Variants in KCNB2 observed in about 807,000 individuals in gnomAD.
KCNB2 encodes the protein delayed rectifier potassium channel protein.
Under a neutral mutation model 61.5 loss-of-function variants are expected in KCNB2, and 15 were observed. The ratio of observed to expected loss-of-function variants is 0.24; its 90% CI spans 0.16 to 0.38. The LOEUF (loss-of-function observed/expected upper bound fraction) is 0.38. Among genes scored for constraint, KCNB2 ranks in the 10% least tolerant of loss-of-function variants. The pLI is 1.00. For synonymous variants in KCNB2, 457 were observed against 446.0 expected, an observed-to-expected ratio of 1.02 and a Z score of -0.31; for missense variants, 828 against 1,125.2, an observed-to-expected ratio of 0.74 and a Z score of 3.78.
intron 2 of KCNB2, among the ~76,000 whole-genome samples, chr8:72,670,834 C>A (rs988156089): frequency 6.6e-6 from 1 of 152,114 alleles, no homozygotes; most frequent in African/African-American, 2.4e-5. Context: ...ACCTTCATCA[C>A]CCTCATTAGT....
At chr8:72,576,642 C>A (rs1373677260) in intron 2 of KCNB2, among the ~76,000 whole-genome samples, 1 of 152,210 alleles carries the variant, frequency 6.6e-6, no homozygotes, top group East Asian at 1.9e-4. Context: ...GCCACACCAG[C>A]AAGCTGTTCC....
intron 2 of KCNB2, among the ~76,000 whole-genome samples, chr8:72,838,266 C>A (rs1250589344): frequency 6.6e-6 from 1 of 152,116 alleles, no homozygotes; most frequent in South Asian, 2.1e-4. Context: ...CTTCCCCCAG[C>A]CCCCCACCAG....
At position 72,923,639 on chromosome 8, in the gene KCNB2, T is replaced by C. The variant is rs549642923; in HGVS notation, c.580-12296T>C. Among the ~76,000 whole-genome samples the C allele has an allele frequency of 1.6e-4, 24 of 152,256 alleles. No homozygotes were observed. In the South Asian group the frequency reaches 5.0e-3, roughly 32 times the overall value. On this transcript the variant is annotated intron_variant, in intron 2 of 2. Coordinates refer to ENST00000523207, the MANE Select transcript of KCNB2 (RefSeq NM_004770.3). ...GAGTGGGGGTGGTCCATTCAATTGG[T>C]TGGGGGGCTTAGAATTTTATTTTTG...
intron 2 of KCNB2, among the ~76,000 whole-genome samples, chr8:72,846,567 GAAA>G (rs369361332): frequency 1.3e-5 from 2 of 148,394 alleles, no homozygotes; most frequent in East Asian, 2.0e-4. Flanking sequence ...CAAAAAAAAA[GAAA>G]AAAAAAACCA....
Position 72,815,129 on chromosome 8 carries a change from G to A in KCNB2, c.580-120806G>A, listed in dbSNP as rs986042944. Among the ~76,000 whole-genome samples the A allele has an allele frequency of 3.3e-5, 5 of 152,194 alleles. No homozygotes were observed. In the South Asian group the frequency reaches 6.2e-4, roughly 19 times the overall value. On this transcript the variant is annotated intron_variant, in intron 2 of 2. Transcript: ENST00000523207. Reference sequence around the variant, plus strand: ...GAGCTCTTTAACAAAAGCTACCCAGGTAAAAGTGGCAGGCAATTGTACCCA... The same window carrying A: ...GAGCTCTTTAACAAAAGCTACCCAGATAAAAGTGGCAGGCAATTGTACCCA...
intron 2 of KCNB2, among the ~76,000 whole-genome samples, chr8:72,622,825 A>G (rs1001506183): frequency 7.2e-5 from 11 of 152,162 alleles, no homozygotes; most frequent in African/African-American, 2.7e-4. Flanking sequence ...AAAATGCTCC[A>G]TGCATCTTAG....
chr8:72,698,616 C>T (rs973281407), intron 2 of KCNB2, among the ~76,000 whole-genome samples: 2 of 152,136 alleles, frequency 1.3e-5, no homozygotes, highest in Non-Finnish European at 2.9e-5. Flanking sequence ...TCAAACTATA[C>T]TATAAGGCTA....
intron 2 of KCNB2, among the ~76,000 whole-genome samples, chr8:72,740,265 G>A (rs1488199919): frequency 6.6e-6 from 1 of 152,138 alleles, no homozygotes; most frequent in East Asian, 1.9e-4. Flanking sequence ...TGACCCAGAA[G>A]AGAAAATGAG....
intron 2 of KCNB2, among the ~76,000 whole-genome samples, chr8:72,854,664 G>T (rs1425497303): frequency 6.6e-6 from 1 of 152,074 alleles, no homozygotes; most frequent in African/African-American, 2.4e-5. Context: ...AATAGTGAAA[G>T]TTGAGCAACT....
At chr8:72,622,845 A>G (rs1805733517) in intron 2 of KCNB2, among the ~76,000 whole-genome samples, 1 of 152,146 alleles carries the variant, frequency 6.6e-6, no homozygotes, top group South Asian at 2.1e-4. Flanking sequence ...GTTACCTGTA[A>G]GAAAGTCCCG....
At chr8:72,607,642 T>C (rs1206705091) in intron 2 of KCNB2, among the ~76,000 whole-genome samples, 1 of 152,184 alleles carries the variant, frequency 6.6e-6, no homozygotes. Context: ...ATGATCTGTT[T>C]AGAAAGTGTT....
At chr8:72,741,308 T>C (rs1211818626) in intron 2 of KCNB2, among the ~76,000 whole-genome samples, 2 of 152,210 alleles carry the variant, frequency 1.3e-5, no homozygotes, top group Non-Finnish European at 2.9e-5. Flanking sequence ...CCTTCTGCCC[T>C]GTTACCTGCT....
chr8:72,660,773 G>T (rs1486149631), intron 2 of KCNB2: 1 of 152,078 alleles, frequency 6.6e-6, no homozygotes, highest in African/African-American at 2.4e-5. Context: ...CATCAGTTTT[G>T]GATAGATTCG....
chr8:72,554,992 C>A lies in KCNB2; in HGVS notation c.-93-12650C>A, dbSNP rs370889971. ...TACTAGGATTGCTCAATATTGATCCCATATTTCTGCTTATTTATTATAGGC... is the reference window on the plus strand; with the variant it reads ...TACTAGGATTGCTCAATATTGATCCAATATTTCTGCTTATTTATTATAGGC... On this transcript the variant is annotated intron_variant, in intron 1 of 2. Coordinates refer to ENST00000523207, the MANE Select transcript of KCNB2 (RefSeq NM_004770.3). 2.6e-5 allele frequency among the ~76,000 whole-genome samples: 4 copies of A among 152,108 alleles called. No homozygotes were observed. In the East Asian group the frequency reaches 5.8e-4, roughly 22 times the overall value.
At chr8:72,664,298 C>T (rs980652751) in intron 2 of KCNB2, among the ~76,000 whole-genome samples, 2 of 152,166 alleles carry the variant, frequency 1.3e-5, no homozygotes, top group Admixed American at 6.5e-5. Flanking sequence ...AAAGTGTCAG[C>T]GTCTGAAGAA....
At chr8:72,791,151 G>GT (rs1432809600) in intron 2 of KCNB2, among the ~76,000 whole-genome samples, 2 of 152,024 alleles carry the variant, frequency 1.3e-5, no homozygotes, top group African/African-American at 4.8e-5. Context: ...GACTCAGGCA[G>GT]TTTTCTAAGC....
intron 2 of KCNB2, among the ~76,000 whole-genome samples, chr8:72,580,973 C>T (rs1208236513): frequency 1.3e-5 from 2 of 152,162 alleles, no homozygotes; most frequent in Non-Finnish European, 2.9e-5. Flanking sequence ...CTTAGCATTG[C>T]ATTTATGATC....
chr8:72,884,245 T>C (rs72653535), intron 2 of KCNB2, among the ~76,000 whole-genome samples: 4,329 of 152,280 alleles, frequency 0.028, 87 homozygotes, highest in South Asian at 0.061. Flanking sequence ...TCCTTTATTT[T>C]CCCCTTTTTT....
rs184029052 is a variant in KCNB2 at position 72,803,097 on chromosome 8, G to A, written c.580-132838G>A. On this transcript the variant is annotated intron_variant, in intron 2 of 2. Transcript: ENST00000523207. ...ACTGTAGCTCTGTGTCCATGGTCTCGACCTGTGGAAATGAAGAAGGCAGAA... is the reference window on the plus strand; with the variant it reads ...ACTGTAGCTCTGTGTCCATGGTCTCAACCTGTGGAAATGAAGAAGGCAGAA... Among the ~76,000 whole-genome samples the A allele has an allele frequency of 2.1e-3, 326 of 152,162 alleles. 1 individual carries two copies. The highest frequency in any genetic ancestry group is 6.8e-3 in the Middle Eastern group (2 of 294).
Sources: allele counts gnomAD v4.1 joint callset (sites outside exome capture counted in the v4.1 genomes callset), GRCh38; gene constraint gnomAD v4.1.1; transcripts MANE v1.5; gene names NCBI Gene and HGNC (gene_info 2026-07-23, HGNC 2026-07-21).